The following THSD7B variants were observed in gnomAD, a reference collection of about 807,000 sequenced individuals.
THSD7B encodes thrombospondin type 1 domain containing 7B.
A neutral mutation model predicts 213.6 loss-of-function variants in THSD7B; 138 were observed. The ratio of observed to expected loss-of-function variants is 0.65; its 90% CI spans 0.56 to 0.74. The LOEUF is 0.74. Among genes scored for constraint, THSD7B ranks in the 30% least tolerant of loss-of-function variants. The pLI is 0.00. For missense variants in THSD7B, 1,931 were observed against 1,991.5 expected (o/e 0.97, Z 0.58); for synonymous variants, 742 against 687.0 (o/e 1.08, Z -1.25).
At chr2:137,425,865 G>T (rs1014843255) in intron 14 of THSD7B, among the ~76,000 whole-genome samples, 1 of 152,038 alleles carries the variant, frequency 6.6e-6, no homozygotes, top group Non-Finnish European at 1.5e-5. Flanking sequence ...ATAAGTTAAA[G>T]GCATCAAAAA....
At position 137,272,675 on chromosome 2, in the gene THSD7B, C is replaced by G. The variant is rs551686187; in HGVS notation, c.2396+13C>G. 1 of 1,608,650 alleles carries G rather than the reference C, an allele frequency of 6.2e-7. No individual in the cohort carries two copies. Among genetic ancestry groups the G allele is most frequent in the African/African-American group, 1.3e-5 (1 of 74,692 alleles). On this transcript the variant is annotated intron_variant, in intron 11 of 27. Transcript: ENST00000409968. ...GTCCTGTATATCGGCAAGTAGTTAC[C>G]TTTTAAAATTATCGTTAGACCTACT...
At chr2:137,320,801 CCTT>C (rs1186189317) in intron 12 of THSD7B, among the ~76,000 whole-genome samples, 1 of 152,268 alleles carries the variant, frequency 6.6e-6, no homozygotes, top group Non-Finnish European at 1.5e-5. Context: ...CCTTGAATGT[CCTT>C]CTTCTTCTTC....
At chr2:137,549,223 C>T (rs1317076009) in intron 15 of THSD7B, among the ~76,000 whole-genome samples, 4 of 151,108 alleles carry the variant, frequency 2.6e-5, no homozygotes, top group African/African-American at 9.7e-5. Flanking sequence ...GTTAACTGAT[C>T]TCTGCTTTTA....
chr2:137,670,386 T>G (rs567666175), intron 27 of THSD7B, among the ~76,000 whole-genome samples: 1 of 152,306 alleles, frequency 6.6e-6, no homozygotes, highest in Non-Finnish European at 1.5e-5. Flanking sequence ...TCTTTCAAAT[T>G]TATCTGCTAC....
chr2:137,425,671 A>G (rs1467804301), intron 14 of THSD7B, among the ~76,000 whole-genome samples: 1 of 152,146 alleles, frequency 6.6e-6, no homozygotes, highest in Non-Finnish European at 1.5e-5. Context: ...CCGAGGGTTG[A>G]TTGTATTTAA....
chr2:137,221,802 T>C (rs4954484), intron 7 of THSD7B, among the ~76,000 whole-genome samples: 42,909 of 152,120 alleles, frequency 0.28, 6,881 homozygotes, highest in East Asian at 0.48. Flanking sequence ...TTTAGTGATG[T>C]GTTACCAATT....
chr2:136,819,363 CT>C (rs1428293100), intron 1 of THSD7B, among the ~76,000 whole-genome samples: 2 of 152,180 alleles, frequency 1.3e-5, no homozygotes, highest in Non-Finnish European at 2.9e-5. Context: ...CCTACTCCCT[CT>C]ATTAGTGTGT....
chr2:136,921,006 A>C (rs553594733), intron 2 of THSD7B, among the ~76,000 whole-genome samples: 1 of 152,104 alleles, frequency 6.6e-6, no homozygotes, highest in Non-Finnish European at 1.5e-5. Context: ...CTGAGAGCCC[A>C]GGGATGCCAG....
intron 2 of THSD7B, among the ~76,000 whole-genome samples, chr2:136,989,505 G>A (rs1432642409): frequency 3.3e-5 from 5 of 152,118 alleles, no homozygotes; most frequent in African/African-American, 9.7e-5. Context: ...GCTTCCTGAG[G>A]CCTCAACAGA....
chr2:137,522,695 A>G (rs1409078664), intron 15 of THSD7B, among the ~76,000 whole-genome samples: 3 of 152,216 alleles, frequency 2.0e-5, no homozygotes, highest in Non-Finnish European at 4.4e-5. Flanking sequence ...CCATTCGAGC[A>G]AAGTTTTGTA....
At chr2:137,317,631 T>C (rs1169485049) in intron 12 of THSD7B, among the ~76,000 whole-genome samples, 1 of 152,196 alleles carries the variant, frequency 6.6e-6, no homozygotes, top group Non-Finnish European at 1.5e-5. Flanking sequence ...CTGGGTAGGA[T>C]GGCTCCTGGC....
At chr2:136,848,363 G>A (rs965178118) in intron 1 of THSD7B, among the ~76,000 whole-genome samples, 1 of 152,124 alleles carries the variant, frequency 6.6e-6, no homozygotes, top group African/African-American at 2.4e-5. Context: ...GCTGGGATCT[G>A]GCCCTATAAT....
At chr2:137,237,489 T>C (rs761619743) in intron 9 of THSD7B, among the ~76,000 whole-genome samples, 57 of 152,202 alleles carry the variant, frequency 3.7e-4, no homozygotes, top group Non-Finnish European at 1.3e-4. Context: ...ACGTTTACAC[T>C]GAGCTAAATA....
At chr2:137,099,752 T>G (rs10165988) in intron 4 of THSD7B, among the ~76,000 whole-genome samples, 14,130 of 152,208 alleles carry the variant, frequency 0.093, 1,080 homozygotes, top group African/African-American at 0.21. Flanking sequence ...AGTAAAACTC[T>G]TAAGAAAATC....
chr2:137,621,539 A>G (rs1433771018), intron 20 of THSD7B, among the ~76,000 whole-genome samples: 2 of 152,218 alleles, frequency 1.3e-5, no homozygotes, highest in Admixed American at 6.5e-5. Flanking sequence ...CAGGTAAATG[A>G]AAACAGAGGT....
chr2:137,381,303 C>A (rs1685771089), intron 12 of THSD7B, among the ~76,000 whole-genome samples: 1 of 152,214 alleles, frequency 6.6e-6, no homozygotes, highest in Non-Finnish European at 1.5e-5. Context: ...AAAGAATGAA[C>A]CTTTGCCAGC....
chr2:137,387,172 A>C (rs1262236469), intron 12 of THSD7B, among the ~76,000 whole-genome samples: 1 of 152,234 alleles, frequency 6.6e-6, no homozygotes, highest in African/African-American at 2.4e-5. Flanking sequence ...GATACTTTGC[A>C]TAGGAACATG....
intron 2 of THSD7B, among the ~76,000 whole-genome samples, chr2:136,889,402 ACT>A (rs370127644): frequency 1.3e-5 from 2 of 151,894 alleles, no homozygotes; most frequent in African/African-American, 4.8e-5. Flanking sequence ...GTTCCTATTG[ACT>A]CTCTGTTATG....
At position 136,961,744 on chromosome 2, in the gene THSD7B, T is replaced by A. The variant is rs557671242; in HGVS notation, c.139+79427T>A. On this transcript the variant is annotated intron_variant, in intron 2 of 27. Transcript: ENST00000409968. ...TGTGGCCTTCGCATGAACGGAGGAA[T>A]GTGGTGGTCTCTGGAATATGGAAGC... Among the ~76,000 whole-genome samples the A allele has an allele frequency of 2.0e-5, 3 of 152,250 alleles. No individual in the cohort carries two copies. In the South Asian group the frequency reaches 6.2e-4, roughly 32 times the overall value.
Sources: allele counts gnomAD v4.1 joint callset (sites outside exome capture counted in the v4.1 genomes callset), GRCh38; gene constraint gnomAD v4.1.1; transcripts MANE v1.5; gene names NCBI Gene and HGNC (gene_info 2026-07-23, HGNC 2026-07-21).